The following GRID2IP variants were observed in gnomAD, a reference collection of about 807,000 sequenced individuals.
The protein encoded by GRID2IP is delphilin.
In GRID2IP, 78 loss-of-function variants were observed where a neutral mutation model predicts 114.3. That is an observed-to-expected ratio of 0.68 (90% CI 0.57 to 0.82). GRID2IP has a LOEUF of 0.82. GRID2IP is among the 40% of genes least tolerant of loss of function. The pLI is 0.00. For missense variants in GRID2IP, 1,727 were observed against 1,678.5 expected, an observed-to-expected ratio of 1.03 and a Z score of -0.51; for synonymous variants, 809 against 724.0, an observed-to-expected ratio of 1.12 and a Z score of -1.89.
At position 6,510,271 on chromosome 7, in the gene GRID2IP, CTGGA is replaced by C; in HGVS notation, c.1771+8_1771+11del. The C allele has an allele frequency of 6.6e-7, 1 of 1,512,592 alleles. No individual in the cohort carries two copies. The highest frequency in any genetic ancestry group is 8.9e-7 in the Non-Finnish European group (1 of 1,118,320). The allele number at this position is 1,512,592 out of a possible 1,614,324, so 93.7% of individuals were successfully genotyped here. A position where few individuals can be genotyped will look rare whatever the true frequency, so the allele number is the denominator to read the frequency against. ...ACACCCAGACAGTAGATGACAGAGG[CTGGA>C]GCCCTACCTGTGGTGACTGCTGGGC... is the stretch of plus-strand genomic sequence containing the variant. On this transcript the variant is annotated splice_region_variant and intron_variant, in intron 11 of 21. Coordinates refer to ENST00000457091, the MANE Select transcript of GRID2IP (RefSeq NM_001145118.2).
chr7:6,545,573 G>A (rs1779875912), intron 1 of GRID2IP, among the ~76,000 whole-genome samples: 1 of 152,204 alleles, frequency 6.6e-6, no homozygotes, highest in South Asian at 2.1e-4. Flanking sequence ...AAGCTTCGAG[G>A]GTTTCCAGTC....
In GRID2IP at chr7:6,509,143, T is replaced by A. The variant is rs996821641; in HGVS notation, c.1942A>T (p.Ile648Phe). Reference protein sequence around the residue: ...APSPQPGPGPICPDSPPSPDP... With the variant: ...APSPQPGPGPFCPDSPPSPDP... Reference sequence around the variant, plus strand: ...GGGCTTGGGGGGCTGTCGGGGCAGATGGGCCCGGGGCCTGGCTGTGGGGAG... The same window carrying A: ...GGGCTTGGGGGGCTGTCGGGGCAGAAGGGCCCGGGGCCTGGCTGTGGGGAG... The change falls in exon 12 of 22, where the codon ATC becomes TTC. Residue 648 changes from isoleucine (I) to phenylalanine (F), a missense_variant. Physicochemically the swap from Ile to Phe is conservative, Grantham distance 21 (BLOSUM62 0). Coordinates refer to ENST00000457091, the MANE Select transcript of GRID2IP (RefSeq NM_001145118.2). This position sits in a 1 kb window ranked among gnomAD's most constrained non-coding sequence, Gnocchi z 4.9. 2.0e-6 allele frequency: 3 copies of A among 1,472,848 alleles called. 1 individual carries two copies. In the South Asian group the frequency reaches 4.1e-5, roughly 20 times the overall value. The allele number at this position is 1,472,848 out of a possible 1,614,324, so 91.2% of individuals were successfully genotyped here. A position where few individuals can be genotyped will look rare whatever the true frequency, so the allele number is the denominator to read the frequency against.
intron 1 of GRID2IP, among the ~76,000 whole-genome samples, chr7:6,542,198 G>A (rs1250637837): frequency 2.6e-5 from 4 of 151,526 alleles, no homozygotes; most frequent in Admixed American, 6.6e-5. Flanking sequence ...CCAGCTACTC[G>A]GGAGGCTGAG....
intron 21 of GRID2IP, 42 bp downstream of exon 21, chr7:6,498,022 C>T (rs1323957622): frequency 6.7e-7 from 1 of 1,495,810 alleles, no homozygotes; most frequent in African/African-American, 1.4e-5. Context: ...CTCTGGCCCC[C>T]ACCTCTCCAA....
At position 6,527,824 on chromosome 7, in the gene GRID2IP, T is replaced by C. The variant is rs568407530; in HGVS notation, c.585-1055A>G. ...CCCAGGCTGGAGTACAATGGTGAGA[T>C]CTCAGCTCATTGGAACCTCCACCTC... On this transcript the variant is annotated intron_variant, in intron 2 of 21. Coordinates refer to ENST00000457091, the MANE Select transcript of GRID2IP (RefSeq NM_001145118.2). Among the ~76,000 whole-genome samples the C allele has an allele frequency of 2.7e-5, 4 of 150,772 alleles. No homozygotes were observed. In the South Asian group the frequency reaches 6.3e-4, roughly 24 times the overall value.
intron 20 of GRID2IP, 65 bp from the exon 21 acceptor site, chr7:6,498,293 C>G (rs558364620): frequency 1.4e-4 from 202 of 1,434,312 alleles, no homozygotes; most frequent in Non-Finnish European, 1.8e-4. Flanking sequence ...GGTGGTGGCC[C>G]GACAGACAGG....
chr7:6,536,845 G>C lies in GRID2IP; in HGVS notation c.584+2873C>G, dbSNP rs1377829194. The C allele has an allele frequency of 2.8e-6, 2 of 701,902 alleles. No individual in the cohort carries two copies. Among genetic ancestry groups the C allele is most frequent in the Non-Finnish European group, 2.6e-6 (1 of 384,498 alleles). The allele number at this position is 701,902 out of a possible 1,614,324, so 43.5% of individuals were successfully genotyped here. A position where few individuals can be genotyped will look rare whatever the true frequency, so the allele number is the denominator to read the frequency against. On this transcript the variant is annotated intron_variant, in intron 2 of 21. Coordinates refer to ENST00000457091, the MANE Select transcript of GRID2IP (RefSeq NM_001145118.2). The surrounding 1 kb of genome is among the most constrained non-coding windows in gnomAD (Gnocchi z 5.3). ...CCCTTACTCACCCCAGGCAGCTCATGGTGGCCTCTTTCGGTGGTGGTCGCC... is the reference window on the plus strand; with the variant it reads ...CCCTTACTCACCCCAGGCAGCTCATCGTGGCCTCTTTCGGTGGTGGTCGCC...
In GRID2IP at chr7:6,521,287, G is replaced by A; in HGVS notation, c.1084+142C>T. 1.7e-6 allele frequency: 1 copy of A among 600,286 alleles called. No individual in the cohort carries two copies. Among genetic ancestry groups the A allele is most frequent in the East Asian group, 3.0e-5 (1 of 33,448 alleles). The allele number at this position is 600,286 out of a possible 1,614,324, so 37.2% of individuals were successfully genotyped here. On this transcript the variant is annotated intron_variant, in intron 6 of 21. Coordinates refer to ENST00000457091, the MANE Select transcript of GRID2IP (RefSeq NM_001145118.2). The surrounding 1 kb of genome is among the most constrained non-coding windows in gnomAD (Gnocchi z 4.1). ...TGCCCAGCCTCACTGGGGTTCTATA[G>A]CACCACTTAGGAGGCAGCCCCGGGG...
chr7:6,551,289 G>A lies in GRID2IP; in HGVS notation c.148C>T (p.Leu50=). 3 of 1,541,476 alleles carry A rather than the reference G, an allele frequency of 1.9e-6. No individual in the cohort carries two copies. The highest frequency in any genetic ancestry group is 2.4e-5 in the South Asian group (2 of 83,950). The stretch of plus-strand genomic sequence containing the variant: ...CCCACCGCCAGCCCCTCCACCTCCA[G>A]GATCTGGTCTCCTGGCCGCAGTCCT... ...AGGLRPGDQI[L]EVEGLAVGGL... Residue 50 remains leucine, a synonymous_variant, in exon 1 of 22, where the codon CTG becomes TTG. Coordinates refer to ENST00000457091, the MANE Select transcript of GRID2IP (RefSeq NM_001145118.2).
intron 1 of GRID2IP, among the ~76,000 whole-genome samples, chr7:6,542,809 C>A (rs1164223427): frequency 6.6e-6 from 1 of 152,116 alleles, no homozygotes; most frequent in Non-Finnish European, 1.5e-5. Context: ...TCGAATTGCC[C>A]ACATGTCATA....
At chr7:6,529,431 A>G (rs984108970) in intron 2 of GRID2IP, among the ~76,000 whole-genome samples, 2 of 152,036 alleles carry the variant, frequency 1.3e-5, no homozygotes, top group African/African-American at 4.8e-5. Flanking sequence ...AGCCTGGGCA[A>G]AAGAGTGAGA....
At position 6,519,351 on chromosome 7, in the gene GRID2IP, A is replaced by G. The variant is rs1016021529; in HGVS notation, c.1268+1227T>C. Among the ~76,000 whole-genome samples the G allele has an allele frequency of 6.6e-6, 1 of 152,218 alleles. No homozygotes were observed. The highest frequency in any genetic ancestry group is 2.4e-5 in the African/African-American group (1 of 41,450). On this transcript the variant is annotated intron_variant, in intron 7 of 21. Coordinates refer to ENST00000457091, the MANE Select transcript of GRID2IP (RefSeq NM_001145118.2). This position sits in a 1 kb window ranked among gnomAD's most constrained non-coding sequence, Gnocchi z 4.1. ...TTACATCTTAAGACTCTTTAGAGCC[A>G]AGTACAGTGGCTCATGCCTGTAACC...
At chr7:6,549,672 G>C (rs1779940051) in intron 1 of GRID2IP, among the ~76,000 whole-genome samples, 1 of 152,172 alleles carries the variant, frequency 6.6e-6, no homozygotes, top group African/African-American at 2.4e-5. Flanking sequence ...TCAGGCTGCA[G>C]TGCAGTAGCA....
chr7:6,520,589 G>T lies in GRID2IP; in HGVS notation c.1257C>A (p.Phe419Leu), dbSNP rs1161808768. 9.0e-6 allele frequency: 14 copies of T among 1,550,982 alleles called. No homozygotes were observed. The highest frequency in any genetic ancestry group is 1.2e-5 in the Non-Finnish European group (14 of 1,146,580). The change falls in exon 7 of 22, where the codon TTC becomes TTA. Residue 419 changes from phenylalanine to leucine, a missense_variant. Phe to Leu is a conservative substitution (Grantham distance 22). Transcript: ENST00000457091. This position sits in a 1 kb window ranked among gnomAD's most constrained non-coding sequence, Gnocchi z 4.6. Reference sequence around the variant, plus strand: ...TTTGGCCCGGCCACCTGTGCTGGAAGAAGCTCTCGAGGGCCCGGCAGACCC... The same window carrying T: ...TTTGGCCCGGCCACCTGTGCTGGAATAAGCTCTCGAGGGCCCGGCAGACCC... ...RYGVCRALES[F>L]FQHRNIDTLI...
At position 6,519,163 on chromosome 7, in the gene GRID2IP, T is replaced by A. The variant is rs1779367221; in HGVS notation, c.1268+1415A>T. ...AACTCCTGGGCTCAAGCGATCCTCC[T>A]GCCTCAGCCTCCCAAAGTGCTGGGA... is the stretch of plus-strand genomic sequence containing the variant. On this transcript the variant is annotated intron_variant, in intron 7 of 21. Transcript: ENST00000457091. The surrounding 1 kb of genome is among the most constrained non-coding windows in gnomAD (Gnocchi z 4.1). Among the ~76,000 whole-genome samples, 1 of 152,150 alleles carries A rather than the reference T, an allele frequency of 6.6e-6. No homozygotes were observed. The highest frequency in any genetic ancestry group is 1.5e-5 in the Non-Finnish European group (1 of 68,018).
rs2115072056 is a variant in GRID2IP at position 6,520,742 on chromosome 7, T to G, written c.1104A>C (p.Ser368=). The G allele has an allele frequency of 1.3e-6, 2 of 1,551,250 alleles. No individual in the cohort carries two copies. Among genetic ancestry groups the G allele is most frequent in the South Asian group, 2.4e-5 (2 of 84,040 alleles). The change falls in exon 7 of 22, where the codon TCA becomes TCC. Residue 368 remains serine (S), a synonymous_variant. Transcript: ENST00000457091. The surrounding 1 kb of genome is among the most constrained non-coding windows in gnomAD (Gnocchi z 4.6). The stretch of plus-strand genomic sequence containing the variant: ...AGGTGAGCGCCGACGACGGGTTGGG[T>G]GAGTCCAGAGAATCGGAGTCTGCTG... ...PFASDSDSLD[S]PNPSSALTSL...
intron 1 of GRID2IP, among the ~76,000 whole-genome samples, chr7:6,543,479 T>C (rs996837237): frequency 1.1e-4 from 16 of 151,992 alleles, no homozygotes; most frequent in African/African-American, 3.9e-4. Flanking sequence ...CACCCCTTTC[T>C]TCCTGCCACC....
intron 4 of GRID2IP, among the ~76,000 whole-genome samples, chr7:6,524,802 C>T (rs1158242149): frequency 6.6e-6 from 1 of 151,754 alleles, no homozygotes; most frequent in East Asian, 2.1e-4. Context: ...CTGCAAGCTC[C>T]GCCTCCCGGG....
Position 6,508,340 on chromosome 7 carries a change from C to T in GRID2IP, c.2189G>A (p.Cys730Tyr). Residue 730 changes from cysteine to tyrosine, a missense_variant, in exon 13 of 22, where the codon TGC becomes TAC. Cys to Tyr is a radical substitution (Grantham distance 194). Coordinates refer to ENST00000457091, the MANE Select transcript of GRID2IP (RefSeq NM_001145118.2). This position sits in a 1 kb window ranked among gnomAD's most constrained non-coding sequence, Gnocchi z 5.6. ...GCTGCCTTCTTCACTGCTGCTGATG[C>T]AGTCGCTGGCGCTGCTCCGCTCATT... ...VTNERSSASD[C>Y]ISSSEEGSSL... 4 of 1,551,566 alleles carry T rather than the reference C, an allele frequency of 2.6e-6. No homozygotes were observed. Among genetic ancestry groups the T allele is most frequent in the Non-Finnish European group, 3.5e-6 (4 of 1,147,048 alleles).
Sources: allele counts gnomAD v4.1 joint callset (sites outside exome capture counted in the v4.1 genomes callset), GRCh38; gene constraint gnomAD v4.1.1; non-coding constraint Gnocchi (gnomAD v3.1); transcripts MANE v1.5; gene names NCBI Gene and HGNC (gene_info 2026-07-23, HGNC 2026-07-21).